The following MARCHF1 variants were observed in gnomAD, a reference collection of about 807,000 sequenced individuals.
MARCHF1 encodes the protein membrane associated ring-CH-type finger 1.
MARCHF1 carries 40 observed loss-of-function variants against 54.2 expected under a neutral mutation model. The ratio of observed to expected loss-of-function variants is 0.74; its 90% confidence interval spans 0.57 to 0.96. The LOEUF (loss-of-function observed/expected upper bound fraction) is 0.96, where lower values mean the gene tolerates loss of function less well. Among genes scored for constraint, MARCHF1 ranks in the 40% least tolerant of loss-of-function variants. The pLI is 0.00. For missense variants in MARCHF1, 586 were observed against 656.5 expected (o/e 0.89, Z 1.17); for synonymous variants, 236 against 236.3 (o/e 1.00, Z 0.01).
chr4:164,143,567 A>C (rs1175507185), intron 1 of MARCHF1, among the ~76,000 whole-genome samples: 22 of 151,818 alleles, frequency 1.4e-4, no homozygotes, highest in East Asian at 9.7e-4. Context: ...ATATCCAGCC[A>C]AACTAAGCTT....
intron 4 of MARCHF1, among the ~76,000 whole-genome samples, chr4:163,707,121 A>C (rs1272563516): frequency 1.3e-5 from 2 of 152,106 alleles, no homozygotes; most frequent in Non-Finnish European, 2.9e-5. Flanking sequence ...TTAAATGTTA[A>C]AGATTAAAAA....
chr4:163,596,600 G>C (rs1015664683), intron 7 of MARCHF1, among the ~76,000 whole-genome samples: 2 of 140,208 alleles, frequency 1.4e-5, no homozygotes, highest in Non-Finnish European at 3.1e-5. Flanking sequence ...GCATTTGTTT[G>C]TCCCCACAAT....
chr4:163,902,991 A>G (rs949818859), intron 3 of MARCHF1, among the ~76,000 whole-genome samples: 8 of 151,970 alleles, frequency 5.3e-5, no homozygotes, highest in Non-Finnish European at 2.9e-5. Flanking sequence ...GCACTTCCAA[A>G]TACACCTCTT....
intron 8 of MARCHF1, among the ~76,000 whole-genome samples, chr4:163,553,996 CTT>C (rs1739201980): frequency 6.6e-6 from 1 of 152,232 alleles, no homozygotes; most frequent in East Asian, 1.9e-4. Flanking sequence ...CATGAAGACT[CTT>C]TTACTTTTCA....
chr4:163,804,946 G>A (rs935789364), intron 4 of MARCHF1, among the ~76,000 whole-genome samples: 4 of 152,170 alleles, frequency 2.6e-5, no homozygotes, highest in East Asian at 1.9e-4. Context: ...TTGCAATCTC[G>A]AAATGAGACT....
chr4:163,884,232 G>A (rs1451061798), intron 3 of MARCHF1, among the ~76,000 whole-genome samples: 1 of 151,962 alleles, frequency 6.6e-6, no homozygotes, highest in African/African-American at 2.4e-5. Context: ...CATGCCCTGG[G>A]ACCTGAGGAT....
intron 5 of MARCHF1, among the ~76,000 whole-genome samples, chr4:163,678,109 A>G (rs1425558286): frequency 6.6e-6 from 1 of 152,224 alleles, no homozygotes; most frequent in Non-Finnish European, 1.5e-5. Context: ...CAGTGCAACT[A>G]TAAGCTAAAA....
intron 7 of MARCHF1, among the ~76,000 whole-genome samples, chr4:163,598,776 T>G (rs908609335): frequency 6.6e-6 from 1 of 152,230 alleles, no homozygotes; most frequent in Non-Finnish European, 1.5e-5. Context: ...TTAGACTTTA[T>G]AAATACTGTA....
intron 3 of MARCHF1, among the ~76,000 whole-genome samples, chr4:163,914,833 G>C (rs1751272018): frequency 6.6e-6 from 1 of 152,102 alleles, no homozygotes; most frequent in Admixed American, 6.6e-5. Flanking sequence ...CATATTTTCT[G>C]GAGATTGAAT....
At chr4:164,296,402 T>G (rs1342833803) in intron 1 of MARCHF1, among the ~76,000 whole-genome samples, 1 of 152,172 alleles carries the variant, frequency 6.6e-6, no homozygotes, top group Non-Finnish European at 1.5e-5. Flanking sequence ...AGAGCGAGTC[T>G]CGCTCTGTCA....
chr4:164,071,625 A>G (rs1443477893), intron 2 of MARCHF1, among the ~76,000 whole-genome samples: 2 of 152,158 alleles, frequency 1.3e-5, no homozygotes, highest in Non-Finnish European at 2.9e-5. Flanking sequence ...TCAACTTGTC[A>G]TAAGGAATAC....
intron 3 of MARCHF1, among the ~76,000 whole-genome samples, chr4:163,892,834 A>C (rs2111275583): frequency 1.3e-5 from 2 of 152,186 alleles, no homozygotes; most frequent in South Asian, 4.2e-4. Flanking sequence ...CATAGACAAG[A>C]GGCTCCAGGG....
intron 1 of MARCHF1, among the ~76,000 whole-genome samples, chr4:164,320,895 C>T (rs1243536225): frequency 6.6e-6 from 1 of 152,074 alleles, no homozygotes. Flanking sequence ...TCTGTCTTTC[C>T]CAAGTCAAAG....
intron 7 of MARCHF1, among the ~76,000 whole-genome samples, chr4:163,600,873 C>T (rs904150796): frequency 2.0e-5 from 3 of 152,122 alleles, no homozygotes; most frequent in South Asian, 4.1e-4. Context: ...TAAAATCCGT[C>T]GCCAAACACA....
In MARCHF1 at chr4:164,122,991, C is replaced by T. The variant is rs114164518; in HGVS notation, c.-322-11329G>A. On this transcript the variant is annotated intron_variant, in intron 1 of 9. Coordinates refer to ENST00000514618, the MANE Select transcript of MARCHF1 (RefSeq NM_001394959.1). ...AGAATTTCAAGAAAGAAATAAAGGG[C>T]ATCCAAACTGGAAAGGAAGAAGTCA... 8.6e-3 allele frequency among the ~76,000 whole-genome samples: 1,312 copies of T among 152,156 alleles called. 16 individuals are homozygous for T. Among genetic ancestry groups the T allele is most frequent in the Middle Eastern group, 0.024 (7 of 294 alleles).
intron 2 of MARCHF1, among the ~76,000 whole-genome samples, chr4:164,066,620 A>T (rs1355586113): frequency 6.6e-6 from 1 of 152,230 alleles, no homozygotes; most frequent in Non-Finnish European, 1.5e-5. Flanking sequence ...ATCAACCTAA[A>T]TGCCCTTCAA....
At chr4:163,846,984 A>G (rs960960453) in intron 4 of MARCHF1, among the ~76,000 whole-genome samples, 6 of 152,196 alleles carry the variant, frequency 3.9e-5, no homozygotes, top group African/African-American at 1.4e-4. Context: ...TGTTTATGAA[A>G]TAACAAAGAA....
intron 4 of MARCHF1, among the ~76,000 whole-genome samples, chr4:163,753,451 C>G (rs1340439973): frequency 6.6e-6 from 1 of 151,998 alleles, no homozygotes; most frequent in South Asian, 2.1e-4. Flanking sequence ...TCTCTTTTTT[C>G]TATTTTTTTA....
At chr4:164,367,213 C>G (rs1730903205) in intron 1 of MARCHF1, among the ~76,000 whole-genome samples, 1 of 152,046 alleles carries the variant, frequency 6.6e-6, no homozygotes. Context: ...TTGTGACTGG[C>G]ACTTCCAGAA....
Sources: allele counts gnomAD v4.1 joint callset (sites outside exome capture counted in the v4.1 genomes callset), GRCh38; gene constraint gnomAD v4.1.1; transcripts MANE v1.5; gene names NCBI Gene and HGNC (gene_info 2026-07-23, HGNC 2026-07-21).